TMEM67: variants seen among roughly 807,000 people sequenced by gnomAD.
TMEM67 encodes meckelin.
TMEM67 carries 124 observed loss-of-function variants against 136.6 expected under a neutral mutation model. The observed-to-expected ratio is 0.91, with a 90% CI of 0.78 to 1.05. The LOEUF is 1.05. Ranked by LOEUF, TMEM67 falls within the 50% of genes least tolerant of loss-of-function variation. The pLI, the probability that TMEM67 is intolerant of heterozygous loss-of-function variation, is 0.00. For synonymous variants in TMEM67, 364 were observed against 390.5 expected (o/e 0.93, Z 0.80); for missense variants, 1,107 against 1,178.4 (o/e 0.94, Z 0.89).
chr8:93,782,323 G>A (rs571347880), intron 10 of TMEM67, 72 bp from the exon 11 acceptor site: 30 of 1,151,106 alleles, frequency 2.6e-5, no homozygotes, highest in African/African-American at 1.7e-4. Context: ...ATCCATGTTC[G>A]GGTTTGAGAA....
chr8:93,807,485 G>A (rs922844255), intron 23 of TMEM67, among the ~76,000 whole-genome samples: 2 of 151,930 alleles, frequency 1.3e-5, no homozygotes, highest in African/African-American at 4.8e-5. Context: ...AGGCTATAAC[G>A]TTAAGTGAAA....
chr8:93,768,114 C>T (rs1220054861), intron 6 of TMEM67, among the ~76,000 whole-genome samples: 1 of 151,890 alleles, frequency 6.6e-6, no homozygotes, highest in Admixed American at 6.6e-5. Flanking sequence ...GATCTACCCG[C>T]CTAAGCCTCC....
intron 22 of TMEM67, 48 bp from the exon 23 acceptor site, chr8:93,804,714 G>C (rs750670616): frequency 1.9e-6 from 2 of 1,041,176 alleles, no homozygotes; most frequent in South Asian, 2.6e-5. Flanking sequence ...ATTTTTTATT[G>C]TTTTGCAGAT....
chr8:93,756,811 C>T (rs1812592044), intron 2 of TMEM67: 1 of 152,228 alleles, frequency 6.6e-6, no homozygotes, highest in African/African-American at 2.4e-5. Context: ...CACAGTGGCT[C>T]ATGCCTGTAA....
At chr8:93,778,445 A>G (rs1010268314) in intron 7 of TMEM67, among the ~76,000 whole-genome samples, 5 of 152,168 alleles carry the variant, frequency 3.3e-5, no homozygotes, top group African/African-American at 9.7e-5. Context: ...GTTTCTTCCT[A>G]GCATTGATGA....
At chr8:93,804,434 C>T (rs568416185) in intron 22 of TMEM67, among the ~76,000 whole-genome samples, 132 of 146,830 alleles carry the variant, frequency 9.0e-4, no homozygotes, top group African/African-American at 2.7e-3. Flanking sequence ...CCCACCTCAG[C>T]TTCCCAAGTA....
chr8:93,779,383 C>T (rs1209303682), intron 7 of TMEM67, among the ~76,000 whole-genome samples: 2 of 152,176 alleles, frequency 1.3e-5, no homozygotes, highest in Non-Finnish European at 2.9e-5. Flanking sequence ...ATTCTCCATC[C>T]AGCTTTGTTC....
rs756906837 is a variant in TMEM67, at chr8:93,780,907, C to G, written c.903C>G (p.Asp301Glu). The G allele has an allele frequency of 1.2e-6, 2 of 1,612,316 alleles. No homozygotes were observed. Among genetic ancestry groups the G allele is most frequent in the Non-Finnish European group, 1.7e-6 (2 of 1,179,706 alleles). The change falls in exon 9 of 28, where the codon GAC (aspartate) becomes GAG (glutamate). Residue 301 changes from aspartate (D) to glutamate (E), a missense_variant. This residue lies in a region of TMEM67 where 925 missense variants were observed against 1,002.4 expected (regional missense o/e 0.92). Coordinates refer to ENST00000453321, the MANE Select transcript of TMEM67 (RefSeq NM_153704.6). ...RQNLPWLFYG[D>E]QLGLAPQVLS... ...ATCTTCCTTGGCTGTTTTATGGAGA[C>G]CAGTTAGGATTAGCACCTCAAGTGC...
In TMEM67 at chr8:93,809,060, A is replaced by C. The variant is rs780440581; in HGVS notation, c.2560A>C (p.Asn854His). The change falls in exon 25 of 28, where the codon AAT becomes CAT. Residue 854 changes from asparagine (N) to histidine (H), a missense_variant. Asn to His is a moderately conservative substitution (Grantham distance 68, BLOSUM62 1). Transcript: ENST00000453321. ...TCATTTCTCTTTTTTACATTAGAAA[A>C]ATGGTCCTGCTAGACTACTGAGTTC... is the stretch of plus-strand genomic sequence containing the variant. The part of the protein sequence containing the change: ...DRIHETLIRK[N>H]GPARLLSSSA... The C allele has an allele frequency of 6.2e-7, 1 of 1,602,382 alleles. No homozygotes were observed. Among genetic ancestry groups the C allele is most frequent in the South Asian group, 1.1e-5 (1 of 90,824 alleles).
intron 3 of TMEM67, chr8:93,760,138 A>G (rs1202414123): frequency 1.9e-6 from 1 of 514,670 alleles, no homozygotes; most frequent in African/African-American, 2.0e-5. Context: ...CTATCAGGAT[A>G]TTATTTGTTT....
At chr8:93,757,415 A>G (rs954794366) in intron 2 of TMEM67, among the ~76,000 whole-genome samples, 5 of 152,148 alleles carry the variant, frequency 3.3e-5, no homozygotes, top group African/African-American at 1.2e-4. Flanking sequence ...AGGCAGGTGG[A>G]TCACGAGGTC....
At chr8:93,827,375 T>A in the TMEM67 span, among the ~76,000 whole-genome samples, 1 of 152,046 alleles carries the variant, frequency 6.6e-6, no homozygotes, top group East Asian at 1.9e-4. Context: ...CTTCTTCATT[T>A]TATTTTATTT....
chr8:93,813,185 T>C (rs1169043716), intron 26 of TMEM67, among the ~76,000 whole-genome samples: 1 of 152,124 alleles, frequency 6.6e-6, no homozygotes, highest in Non-Finnish European at 1.5e-5. Context: ...TTTCTCTATC[T>C]GCTTTTTTTT....
Position 93,765,326 on chromosome 8 carries a change from T to C in TMEM67, c.507-80T>C, listed in dbSNP as rs1813031830. ...TACTGAATGAATCTACTCTAATCCATTGTTTAGAAAGACAGCTTTTCTATT... is the reference window on the plus strand; with the variant it reads ...TACTGAATGAATCTACTCTAATCCACTGTTTAGAAAGACAGCTTTTCTATT... On this transcript the variant is annotated intron_variant, in intron 4 of 27. Transcript: ENST00000453321. 7 of 1,129,098 alleles carry C rather than the reference T, an allele frequency of 6.2e-6. No homozygotes were observed. The South Asian group carries it at 8.1e-5, about 13-fold the overall frequency. The allele number at this position is 1,129,098 out of a possible 1,614,324, so 69.9% of individuals were successfully genotyped here. A position where few individuals can be genotyped will look rare whatever the true frequency, so the allele number is the denominator to read the frequency against.
rs1355769464 is a variant in TMEM67, at chr8:93,765,552, T to C, written c.577-20T>C. The C allele has an allele frequency of 8.1e-6, 13 of 1,607,140 alleles. No individual in the cohort carries two copies. In the South Asian group the frequency reaches 1.3e-4, roughly 16 times the overall value. The stretch of plus-strand genomic sequence containing the variant: ...TGCCTTTTCATAAGCTTCTATTTTT[T>C]CCCTCATTTATTTATGAAGACAGGG... On this transcript the variant is annotated intron_variant, in intron 5 of 27. Coordinates refer to ENST00000453321, the MANE Select transcript of TMEM67 (RefSeq NM_153704.6).
intron 17 of TMEM67, 81 bp downstream of exon 17, chr8:93,795,588 T>A: frequency 7.9e-7 from 1 of 1,266,594 alleles, no homozygotes; most frequent in Non-Finnish European, 1.2e-6. Flanking sequence ...CTATTTTTAT[T>A]TGAGAGAATT....
At chr8:93,800,876 A>G (rs1814841994) in intron 21 of TMEM67, among the ~76,000 whole-genome samples, 1 of 152,128 alleles carries the variant, frequency 6.6e-6, no homozygotes, top group Non-Finnish European at 1.5e-5. Flanking sequence ...ATTTATTTAT[A>G]TCATGAAACC....
chr8:93,808,988 G>A, intron 24 of TMEM67, 32 bp downstream of exon 24: 8 of 1,521,020 alleles, frequency 5.3e-6, no homozygotes, highest in Non-Finnish European at 6.4e-6. Flanking sequence ...GATATATTCT[G>A]TCAATATTTC....
At chr8:93,809,699 A>T in intron 25 of TMEM67, 86 bp from the exon 26 acceptor site, 2 of 812,356 alleles carry the variant, frequency 2.5e-6, no homozygotes, top group Admixed American at 4.5e-5. Context: ...TTCATTTTTC[A>T]TTTTCTCTCC....
Sources: gnomAD v4.1 joint callset for allele counts (sites outside exome capture counted in the v4.1 genomes callset) on GRCh38, gnomAD v4.1.1 for gene constraint, gnomAD v4.1.1 regional missense constraint, MANE v1.5 for transcripts, NCBI Gene and HGNC (gene_info 2026-07-23, HGNC 2026-07-21) for gene names.